The following BAX variants were observed in gnomAD, a reference collection of about 807,000 sequenced individuals.
BAX encodes BCL2 associated X, apoptosis regulator.
BAX carries 21 observed loss-of-function variants against 26.8 expected under a neutral mutation model. That is an observed-to-expected ratio of 0.78 (90% CI 0.56 to 1.13). The LOEUF (loss-of-function observed/expected upper bound fraction) is 1.13, where lower values mean the gene tolerates loss of function less well. BAX is among the 50% of genes most tolerant of loss of function. The pLI, the probability that BAX is intolerant of heterozygous loss-of-function variation, is 0.00. For missense variants in BAX, 236 were observed against 254.6 expected, an observed-to-expected ratio of 0.93 and a Z score of 0.50; for synonymous variants, 110 against 101.8, an observed-to-expected ratio of 1.08 and a Z score of -0.49.
intron 4 of BAX, among the ~76,000 whole-genome samples, chr19:48,957,449 A>G (rs1485682601): frequency 1.3e-5 from 2 of 149,796 alleles, no homozygotes; most frequent in African/African-American, 4.9e-5. Flanking sequence ...TAGTTTTTGT[A>G]TTTTTAGTAG....
intron 4 of BAX, among the ~76,000 whole-genome samples, chr19:48,956,819 CTTTTTTTTTT>C (rs56251427): frequency 1.1e-5 from 1 of 87,388 alleles, no homozygotes; most frequent in African/African-American, 4.8e-5. Flanking sequence ...TTATCCCTGG[CTTTTTTTTTT>C]TTTTTTTTTT....
chr19:48,955,700 C>A lies in BAX; in HGVS notation c.100C>A (p.Arg34=), dbSNP rs752527728. Residue 34 remains arginine, a synonymous_variant, in exon 3 of 6, where the codon CGA becomes AGA. Coordinates refer to ENST00000345358, the MANE Select transcript of BAX (RefSeq NM_138761.4). Reference sequence around the variant, plus strand: ...TCCCCACTCTAGTTTCATCCAGGATCGAGCAGGGCGAATGGGGGGGGAGGC... The same window carrying A: ...TCCCCACTCTAGTTTCATCCAGGATAGAGCAGGGCGAATGGGGGGGGAGGC... The part of the protein sequence containing the change: ...ALLLQGFIQD[R]AGRMGGEAPE... The A allele has an allele frequency of 1.9e-6, 3 of 1,612,154 alleles. No homozygotes were observed. The highest frequency in any genetic ancestry group is 2.2e-5 in the South Asian group (2 of 90,872).
Position 48,954,912 on chromosome 19 carries a change from C to A in BAX, c.-17C>A, listed in dbSNP as rs200532779. 3 of 1,230,224 alleles carry A rather than the reference C, an allele frequency of 2.4e-6. No individual in the cohort carries two copies. Among genetic ancestry groups the A allele is most frequent in the Non-Finnish European group, 3.0e-6 (3 of 986,170 alleles). The allele number at this position is 1,230,224 out of a possible 1,614,324, so 76.2% of individuals were successfully genotyped here. On this transcript the variant is annotated 5_prime_UTR_variant, in exon 1 of 6. Coordinates refer to ENST00000345358, the MANE Select transcript of BAX (RefSeq NM_138761.4). Reference sequence around the variant, plus strand: ...CCCGCGCGGACCCGGCGAGAGGCGGCGGCGGGAGCGGCGGTGATGGACGGG... The same window carrying A: ...CCCGCGCGGACCCGGCGAGAGGCGGAGGCGGGAGCGGCGGTGATGGACGGG...
At chr19:48,956,507 GAC>G (rs2038139047) in intron 4 of BAX, among the ~76,000 whole-genome samples, 174 bp downstream of exon 4, 2 of 152,152 alleles carry the variant, frequency 1.3e-5, no homozygotes, top group Non-Finnish European at 2.9e-5. Flanking sequence ...GCATTTACTG[GAC>G]CTGCTATGTG....
At chr19:48,956,966 C>T (rs1174881770) in intron 4 of BAX, among the ~76,000 whole-genome samples, 1 of 150,848 alleles carries the variant, frequency 6.6e-6, no homozygotes, top group East Asian at 2.0e-4. Flanking sequence ...GCCACCGCAA[C>T]AAGCCAGGAA....
intron 4 of BAX, among the ~76,000 whole-genome samples, chr19:48,960,563 G>A (rs563643281): frequency 1.3e-4 from 20 of 152,252 alleles, no homozygotes; most frequent in Non-Finnish European, 2.2e-4. Flanking sequence ...GCATTACTCC[G>A]TATTGGTCAG....
Position 48,961,497 on chromosome 19 carries a change from C to G in BAX, c.475-35C>G, listed in dbSNP as rs766809725. The stretch of plus-strand genomic sequence containing the variant: ...TGCCTGCCCAGGGGCTGCCCCTGGC[C>G]GAGTCACTGAAGCGACTGATGTCCC... On this transcript the variant is annotated intron_variant, in intron 5 of 5. Transcript: ENST00000345358. 5.8e-6 allele frequency: 9 copies of G among 1,542,122 alleles called. No individual in the cohort carries two copies. In the Admixed American group the frequency reaches 7.3e-5, roughly 13 times the overall value.
chr19:48,955,653 C>A (rs780479031), intron 2 of BAX, 34 bp from the exon 3 acceptor site: 22 of 1,612,386 alleles, frequency 1.4e-5, no homozygotes, highest in Non-Finnish European at 1.8e-5. Flanking sequence ...ACACCCCGTT[C>A]TGATTCTGCA....
In BAX at chr19:48,955,761, C is replaced by G. The variant is rs753272713; in HGVS notation, c.161C>G (p.Ala54Gly). 1.9e-6 allele frequency: 3 copies of G among 1,613,398 alleles called. No individual in the cohort carries two copies. Among genetic ancestry groups the G allele is most frequent in the Non-Finnish European group, 2.5e-6 (3 of 1,179,698 alleles). ...ELALDPVPQDASTKKLSECLK... is the reference protein window; with the variant it reads ...ELALDPVPQDGSTKKLSECLK... ...GCCCTGGACCCGGTGCCTCAGGATG[C>G]GTCCACCAAGAAGCTGAGCGAGTGT... Residue 54 changes from alanine (A) to glycine (G), a missense_variant, in exon 3 of 6, where the codon GCG becomes GGG. Transcript: ENST00000345358.
At chr19:48,955,007 C>T (rs1326853592) in intron 1 of BAX, 45 bp downstream of exon 1, 20 of 1,239,374 alleles carry the variant, frequency 1.6e-5, no homozygotes, top group Admixed American at 3.8e-5. Flanking sequence ...AGCCCCCTCG[C>T]CGGCCCGTCC....
At chr19:48,960,445 C>T in intron 4 of BAX, 1 of 328,948 alleles carries the variant, frequency 3.0e-6, no homozygotes, top group Non-Finnish European at 6.0e-6. Flanking sequence ...CTCACTGCAA[C>T]CTCCGCCTCC....
At chr19:48,961,136 A>AC in intron 5 of BAX, 2 of 1,543,876 alleles carry the variant, frequency 1.3e-6, no homozygotes, top group Non-Finnish European at 8.7e-7. Flanking sequence ...CCTCCCAGTG[A>AC]CCCCTGACCT....
rs2038089460 is a variant in BAX at position 48,955,531 on chromosome 19, C to T, written c.35-17C>T. ...ACCCAAGAGTCCAGGTACCTCTTCC[C>T]TTCCTTTCTCCTCTAGGGCCCACCA... On this transcript the variant is annotated splice_polypyrimidine_tract_variant and intron_variant, in intron 1 of 5. Transcript: ENST00000345358. 2 of 1,609,126 alleles carry T rather than the reference C, an allele frequency of 1.2e-6. No homozygotes were observed. The highest frequency in any genetic ancestry group is 1.7e-6 in the Non-Finnish European group (2 of 1,177,710).
chr19:48,954,891 C>A lies in BAX; in HGVS notation c.-38C>A, dbSNP rs926960137. ...GACCCGGGCGCGCTGCGGCCGCCCG[C>A]GCGGACCCGGCGAGAGGCGGCGGCG... On this transcript the variant is annotated 5_prime_UTR_variant, in exon 1 of 6. Coordinates refer to ENST00000345358, the MANE Select transcript of BAX (RefSeq NM_138761.4). 8.1e-7 allele frequency: 1 copy of A among 1,227,046 alleles called. No individual in the cohort carries two copies. Among genetic ancestry groups the A allele is most frequent in the African/African-American group, 1.6e-5 (1 of 64,102 alleles). 76.0% of individuals were successfully genotyped at this position (1,227,046 alleles called of 1,614,324 possible). A position where few individuals can be genotyped will look rare whatever the true frequency, so the allele number is the denominator to read the frequency against.
chr19:48,955,982 T>A, intron 3 of BAX, 149 bp downstream of exon 3: 1 of 1,166,890 alleles, frequency 8.6e-7, no homozygotes, highest in South Asian at 1.7e-5. Context: ...CCCTCCTCTC[T>A]GCCAGGATCT....
rs374052135 is a variant in BAX at position 48,956,228 on chromosome 19, C to A, written c.264C>A (p.Pro88=). The change falls in exon 4 of 6, where the codon CCC becomes CCA. Residue 88 remains proline (P), a synonymous_variant. Transcript: ENST00000345358. The part of the protein sequence containing the change: ...RMIAAVDTDS[P]REVFFRVAAD... ...TTGCCGCCGTGGACACAGACTCCCC[C>A]CGAGAGGTCTTTTTCCGAGTGGCAG... 20 of 1,585,274 alleles carry A rather than the reference C, an allele frequency of 1.3e-5. No individual in the cohort carries two copies. The highest frequency in any genetic ancestry group is 1.7e-5 in the Non-Finnish European group (20 of 1,165,964).
chr19:48,960,139 G>A (rs1422195214), intron 4 of BAX: 1 of 384,950 alleles, frequency 2.6e-6, no homozygotes, highest in Admixed American at 3.0e-5. Context: ...AGCCACAGAA[G>A]GCTCAGGGGT....
Position 48,956,171 on chromosome 19 carries a change from C to G in BAX, c.234-27C>G, listed in dbSNP as rs1477959450. ...CACCATCAGCCTGATGCCTGCTCCCCGGCACTGGTTCTCCTCTCTCCTGCA... is the reference window on the plus strand; with the variant it reads ...CACCATCAGCCTGATGCCTGCTCCCGGGCACTGGTTCTCCTCTCTCCTGCA... On this transcript the variant is annotated intron_variant, in intron 3 of 5. Coordinates refer to ENST00000345358, the MANE Select transcript of BAX (RefSeq NM_138761.4). 6.7e-6 allele frequency: 10 copies of G among 1,489,360 alleles called. No homozygotes were observed. In the African/African-American group the frequency reaches 1.1e-4, roughly 17 times the overall value. 92.3% of individuals were successfully genotyped at this position (1,489,360 alleles called of 1,614,324 possible).
At chr19:48,960,103 G>T (rs547087088) in intron 4 of BAX, 1 of 335,668 alleles carries the variant, frequency 3.0e-6, no homozygotes, top group South Asian at 2.3e-5. Context: ...CTGTGCCTTC[G>T]GGTCTTCATC....
Sources: allele counts gnomAD v4.1 joint callset (sites outside exome capture counted in the v4.1 genomes callset), GRCh38; gene constraint gnomAD v4.1.1; transcripts MANE v1.5; gene names NCBI Gene and HGNC (gene_info 2026-07-23, HGNC 2026-07-21).